FOXK2: variants seen among roughly 807,000 people sequenced by gnomAD.
FOXK2 encodes the protein forkhead box K2.
Under a neutral mutation model 53.3 loss-of-function variants are expected in FOXK2, and 24 were observed. That is an observed-to-expected ratio of 0.45 (90% confidence interval 0.33 to 0.63). FOXK2 has a LOEUF of 0.63. FOXK2 is among the 30% of genes least tolerant of loss of function. The pLI is 0.03. For missense variants in FOXK2, 952 were observed against 910.5 expected (o/e 1.05, Z -0.59); for synonymous variants, 505 against 407.1 (o/e 1.24, Z -2.89).
At chr17:82,596,148 ATC>A in intron 8 of FOXK2, 1 of 1,027,478 alleles carries the variant, frequency 9.7e-7, no homozygotes, top group South Asian at 3.3e-5. Context: ...AGGGAGGAGC[ATC>A]TGAGGTGGTC....
At chr17:82,576,648 G>T in intron 4 of FOXK2, 1 of 1,151,010 alleles carries the variant, frequency 8.7e-7, no homozygotes, top group Non-Finnish European at 1.3e-6. Context: ...TGGCACAGAA[G>T]ATGATTGACA....
chr17:82,582,331 C>T (rs961553049), intron 4 of FOXK2, among the ~76,000 whole-genome samples: 5 of 152,178 alleles, frequency 3.3e-5, no homozygotes, highest in African/African-American at 1.2e-4. Flanking sequence ...CTCCACCCTG[C>T]CTCCCGGGGC....
chr17:82,582,971 C>T (rs1430997151), intron 5 of FOXK2, 37 bp downstream of exon 5: 4 of 1,405,086 alleles, frequency 2.8e-6, no homozygotes, highest in South Asian at 3.0e-5. Flanking sequence ...TCACTTCGTG[C>T]TTACTAAACT....
rs767644143 is a variant in FOXK2 at position 82,585,875 on chromosome 17, A to G, written c.1280-29A>G. 12 of 1,590,796 alleles carry G rather than the reference A, an allele frequency of 7.5e-6. No homozygotes were observed. In the South Asian group the frequency reaches 1.1e-4, roughly 15 times the overall value. ...TTGTTTGTAGAAGTCAGTATCTGTA[A>G]GTGTCAGTCCTGCTGTGTCTTTCAC... On this transcript the variant is annotated intron_variant, in intron 6 of 8. Transcript: ENST00000335255.
intron 8 of FOXK2, among the ~76,000 whole-genome samples, chr17:82,596,897 G>A (rs747197876): frequency 6.6e-6 from 1 of 152,154 alleles, no homozygotes; most frequent in African/African-American, 2.4e-5. Flanking sequence ...TAGTCCTCCC[G>A]GGCTTGCTGA....
chr17:82,529,535 G>A (rs879317886), intron 1 of FOXK2, among the ~76,000 whole-genome samples: 3 of 152,036 alleles, frequency 2.0e-5, no homozygotes, highest in Admixed American at 6.6e-5. Context: ...GATTACAGGC[G>A]CGTGCCCACT....
At chr17:82,601,159 G>A (rs1406181948) in intron 8 of FOXK2, 144 bp from the exon 9 acceptor site, 52 of 878,422 alleles carry the variant, frequency 5.9e-5, no homozygotes, top group Non-Finnish European at 8.2e-5. Context: ...CCGCGGGCCT[G>A]GGAGTGGCAG....
In FOXK2 at chr17:82,559,129, G is replaced by C. The variant is rs150165485; in HGVS notation, c.420-4225G>C. On this transcript the variant is annotated intron_variant, in intron 1 of 8. Coordinates refer to ENST00000335255, the MANE Select transcript of FOXK2 (RefSeq NM_004514.4). ...GGCTGGTCTCGAACTTCTGACCTCA[G>C]GGGATCCTCCTGCCTCGGCCTCCCA... Among the ~76,000 whole-genome samples the C allele has an allele frequency of 2.6e-3, 399 of 152,206 alleles. 2 individuals are homozygous for C. The highest frequency in any genetic ancestry group is 9.3e-3 in the African/African-American group (387 of 41,518).
At chr17:82,523,130 A>C (rs61737552) in intron 1 of FOXK2, among the ~76,000 whole-genome samples, 15 of 152,154 alleles carry the variant, frequency 9.9e-5, no homozygotes, top group African/African-American at 3.4e-4. Context: ...TGAGTCTTGC[A>C]GTAGAGATGA....
At chr17:82,591,615 A>G (rs528459698) in intron 8 of FOXK2, among the ~76,000 whole-genome samples, 103 of 152,250 alleles carry the variant, frequency 6.8e-4, no homozygotes, top group African/African-American at 2.4e-3. Context: ...ATGGAAAGGA[A>G]AGCCTGGCAT....
intron 4 of FOXK2, among the ~76,000 whole-genome samples, chr17:82,573,380 A>G (rs1190496467): frequency 6.6e-6 from 1 of 152,044 alleles, no homozygotes; most frequent in Non-Finnish European, 1.5e-5. Flanking sequence ...GCAAGGGGGT[A>G]TCTCTTAATT....
intron 1 of FOXK2, among the ~76,000 whole-genome samples, chr17:82,528,702 T>G (rs2144046714): frequency 1.3e-5 from 2 of 152,350 alleles, no homozygotes; most frequent in Middle Eastern, 6.8e-3. Context: ...CCTGCGGCCC[T>G]GCTTTCCTCG....
intron 1 of FOXK2, among the ~76,000 whole-genome samples, chr17:82,526,559 G>A (rs1454524613): frequency 6.6e-6 from 1 of 152,020 alleles, no homozygotes; most frequent in Admixed American, 6.6e-5. Flanking sequence ...GGCTGGGTGC[G>A]GTGGCTCACG....
At chr17:82,521,622 A>T in intron 1 of FOXK2, among the ~76,000 whole-genome samples, 1 of 151,128 alleles carries the variant, frequency 6.6e-6, no homozygotes, top group East Asian at 1.9e-4. Context: ...AAACTTTGGT[A>T]GTAGCATTTT....
intron 8 of FOXK2, among the ~76,000 whole-genome samples, chr17:82,591,061 T>C (rs2045248792): frequency 6.6e-6 from 1 of 152,140 alleles, no homozygotes; most frequent in South Asian, 2.1e-4. Flanking sequence ...AAGACAGTGC[T>C]GACAGATGGG....
At chr17:82,558,973 TCTC>T (rs1320863529) in intron 1 of FOXK2, among the ~76,000 whole-genome samples, 1 of 152,090 alleles carries the variant, frequency 6.6e-6, no homozygotes, top group Non-Finnish European at 1.5e-5. Context: ...ATGGTCTCGA[TCTC>T]CTGACCTCGT....
At chr17:82,589,649 C>T (rs2045233791) in intron 8 of FOXK2, among the ~76,000 whole-genome samples, 1 of 151,246 alleles carries the variant, frequency 6.6e-6, no homozygotes, top group Non-Finnish European at 1.5e-5. Flanking sequence ...TGTTTCCACT[C>T]AGGAAGGAGA....
At chr17:82,563,068 A>C (rs773243628) in intron 1 of FOXK2, among the ~76,000 whole-genome samples, 19 of 152,146 alleles carry the variant, frequency 1.2e-4, no homozygotes, top group Non-Finnish European at 2.4e-4. Flanking sequence ...CAGCCTCCCA[A>C]AGTGCTGGGA....
At chr17:82,551,793 T>A (rs1476486666) in intron 1 of FOXK2, among the ~76,000 whole-genome samples, 1 of 152,242 alleles carries the variant, frequency 6.6e-6, no homozygotes, top group East Asian at 1.9e-4. Flanking sequence ...TTTCTCATTG[T>A]CTTAAACGGT....
Sources: gnomAD v4.1 joint callset for allele counts (sites outside exome capture counted in the v4.1 genomes callset) on GRCh38, gnomAD v4.1.1 for gene constraint, MANE v1.5 for transcripts, NCBI Gene and HGNC (gene_info 2026-07-23, HGNC 2026-07-21) for gene names.